Variants in FHOD3 observed in about 807,000 individuals in gnomAD.
FHOD3 encodes the protein FH1/FH2 domain-containing protein 3.
A neutral mutation model predicts 173.0 loss-of-function variants in FHOD3; 90 were observed. That is an observed-to-expected ratio of 0.52 (90% CI 0.44 to 0.62). The LOEUF is 0.62. Among genes scored for constraint, FHOD3 ranks in the 20% least tolerant of loss-of-function variants. The probability of loss-of-function intolerance (pLI) is 0.00; values close to 1 mark genes in which losing one functional copy is unlikely to be tolerated. For synonymous variants in FHOD3, 828 were observed against 823.0 expected (o/e 1.01, Z -0.10); for missense variants, 1,945 against 2,034.7 (o/e 0.96, Z 0.85).
At chr18:36,366,081 C>T (rs1184761182) in intron 2 of FHOD3, among the ~76,000 whole-genome samples, 1 of 152,182 alleles carries the variant, frequency 6.6e-6, no homozygotes, top group Non-Finnish European at 1.5e-5. Flanking sequence ...GAGGCTGACG[C>T]ACTTAGAGTT....
chr18:36,573,554 C>T (rs2058535333), intron 5 of FHOD3, among the ~76,000 whole-genome samples: 1 of 152,108 alleles, frequency 6.6e-6, no homozygotes, highest in Non-Finnish European at 1.5e-5. Flanking sequence ...TGCAGTGAGC[C>T]ATGATGGCAC....
chr18:36,740,615 A>C (rs775064508), intron 20 of FHOD3, 41 bp from the exon 21 acceptor site: 28 of 1,526,610 alleles, frequency 1.8e-5, no homozygotes, highest in Non-Finnish European at 2.5e-5. Context: ...GGGAGGGTCC[A>C]TCACTAAGAG....
chr18:36,301,359 T>C (rs2091953118), intron 1 of FHOD3, among the ~76,000 whole-genome samples: 1 of 152,254 alleles, frequency 6.6e-6, no homozygotes, highest in Non-Finnish European at 1.5e-5. Flanking sequence ...AATTGTCATC[T>C]TATGCAAAAA....
At chr18:36,776,743 G>C (rs933347308) in intron 28 of FHOD3, among the ~76,000 whole-genome samples, 1 of 152,180 alleles carries the variant, frequency 6.6e-6, no homozygotes, top group Non-Finnish European at 1.5e-5. Context: ...CCAGACCAGA[G>C]GGTGAAGCAG....
intron 14 of FHOD3, among the ~76,000 whole-genome samples, chr18:36,677,983 G>T (rs62084009): frequency 1.3e-5 from 2 of 152,100 alleles, no homozygotes; most frequent in East Asian, 3.9e-4. Flanking sequence ...TGTTGCTAAT[G>T]TAAAAATGTA....
chr18:36,641,183 G>A (rs1158742553), intron 10 of FHOD3, among the ~76,000 whole-genome samples: 1 of 152,212 alleles, frequency 6.6e-6, no homozygotes, highest in Non-Finnish European at 1.5e-5. Flanking sequence ...TCTGGGCAGG[G>A]TCTCCTGGAG....
At chr18:36,467,986 C>T (rs970644838) in intron 3 of FHOD3, among the ~76,000 whole-genome samples, 3 of 152,214 alleles carry the variant, frequency 2.0e-5, no homozygotes, top group Non-Finnish European at 2.9e-5. Context: ...AGTCTGAAGG[C>T]AGACGGTAGG....
intron 22 of FHOD3, 111 bp downstream of exon 22, chr18:36,742,967 T>G: frequency 7.1e-7 from 1 of 1,398,784 alleles, no homozygotes; most frequent in Non-Finnish European, 9.7e-7. Flanking sequence ...GTGGAACAAA[T>G]GACTTTTGTG....
chr18:36,372,341 T>C (rs1290350017), intron 2 of FHOD3, among the ~76,000 whole-genome samples: 2 of 152,224 alleles, frequency 1.3e-5, no homozygotes, highest in Admixed American at 1.3e-4. Context: ...AGATTTGTGT[T>C]GTTACATTCC....
chr18:36,306,693 G>GT lies in FHOD3; in HGVS notation c.165+8701dup, dbSNP rs202246783. On this transcript the variant is annotated intron_variant, in intron 1 of 28. Transcript: ENST00000590592. ...AGGCAGAGTTTTTTGTTTTGTTTTT[G>GT]TTTTTTTTAAATCTGTTTTGTTTAC... Among the ~76,000 whole-genome samples the GT allele has an allele frequency of 4.5e-3, 688 of 152,118 alleles. 6 individuals are homozygous for GT. The highest frequency in any genetic ancestry group is 0.015 in the African/African-American group (632 of 41,510).
chr18:36,654,279 A>G (rs1443639157), intron 13 of FHOD3, among the ~76,000 whole-genome samples: 2 of 152,204 alleles, frequency 1.3e-5, no homozygotes, highest in Non-Finnish European at 2.9e-5. Flanking sequence ...CTTTATGGGT[A>G]TCAGACCTTT....
intron 3 of FHOD3, among the ~76,000 whole-genome samples, chr18:36,478,334 G>A (rs963009650): frequency 1.3e-5 from 2 of 152,112 alleles, no homozygotes; most frequent in Non-Finnish European, 2.9e-5. Context: ...GGATATACAT[G>A]CGATATTTTG....
In FHOD3 at chr18:36,779,442, C is replaced by T. The variant is rs1382158597; in HGVS notation, c.4787-6C>T. On this transcript the variant is annotated splice_region_variant and splice_polypyrimidine_tract_variant and intron_variant, in intron 28 of 28. Transcript: ENST00000590592. ...CCTTTGGGTGTGACCTGCACCACCA[C>T]TGCAGTGCGAAGAACCCTGAAGAGC... 2.5e-6 allele frequency: 4 copies of T among 1,613,908 alleles called. No individual in the cohort carries two copies. Among genetic ancestry groups the T allele is most frequent in the African/African-American group, 2.7e-5 (2 of 74,936 alleles).
intron 3 of FHOD3, among the ~76,000 whole-genome samples, chr18:36,473,180 C>T (rs1008715155): frequency 1.3e-5 from 2 of 152,176 alleles, no homozygotes; most frequent in African/African-American, 4.8e-5. Flanking sequence ...TTTGGGAGGC[C>T]GAGGCTGGCA....
At chr18:36,700,662 C>G (rs971358796) in intron 17 of FHOD3, among the ~76,000 whole-genome samples, 2 of 152,024 alleles carry the variant, frequency 1.3e-5, no homozygotes, top group South Asian at 2.1e-4. Context: ...TCTCAGCAAC[C>G]CAATTTAAAA....
At chr18:36,545,892 C>T (rs543395749) in intron 5 of FHOD3, among the ~76,000 whole-genome samples, 3 of 152,188 alleles carry the variant, frequency 2.0e-5, no homozygotes, top group Non-Finnish European at 4.4e-5. Flanking sequence ...AAAAAGTTGG[C>T]TTATACCCCC....
At chr18:36,575,818 T>C (rs550785511) in intron 5 of FHOD3, among the ~76,000 whole-genome samples, 48 of 152,344 alleles carry the variant, frequency 3.2e-4, no homozygotes, top group African/African-American at 1.1e-3. Flanking sequence ...ATAATGATGG[T>C]ATATGGTGAC....
intron 3 of FHOD3, among the ~76,000 whole-genome samples, chr18:36,435,992 C>T (rs2050790187): frequency 6.6e-6 from 1 of 152,122 alleles, no homozygotes. Flanking sequence ...TCAGTGCACT[C>T]CTTCCTTCAC....
chr18:36,635,313 G>A (rs1323836754), intron 10 of FHOD3, among the ~76,000 whole-genome samples: 1 of 152,212 alleles, frequency 6.6e-6, no homozygotes, highest in Non-Finnish European at 1.5e-5. Context: ...TGAATCTGAG[G>A]ATCTTTCTAG....
Sources: gnomAD v4.1 joint callset for allele counts (sites outside exome capture counted in the v4.1 genomes callset) on GRCh38, gnomAD v4.1.1 for gene constraint, MANE v1.5 for transcripts, NCBI Gene and HGNC (gene_info 2026-07-23, HGNC 2026-07-21) for gene names.